PTPRT: variants seen among roughly 807,000 people sequenced by gnomAD.
PTPRT encodes the protein receptor-type tyrosine-protein phosphatase T.
A neutral mutation model predicts 176.8 loss-of-function variants in PTPRT; 56 were observed. That is an observed-to-expected ratio of 0.32 (90% CI 0.26 to 0.40). PTPRT has a LOEUF of 0.40. Ranked by LOEUF, PTPRT falls within the 10% of genes least tolerant of loss-of-function variation. The pLI is 1.00. For missense variants in PTPRT, 1,540 were observed against 1,908.2 expected, an observed-to-expected ratio of 0.81 and a Z score of 3.60; for synonymous variants, 783 against 739.0, an observed-to-expected ratio of 1.06 and a Z score of -0.96.
At chr20:42,297,374 C>T (rs1314655497) in intron 12 of PTPRT, among the ~76,000 whole-genome samples, 1 of 152,092 alleles carries the variant, frequency 6.6e-6, no homozygotes, top group East Asian at 1.9e-4. Context: ...CTTTACAGCA[C>T]CCATGAAAGA....
intron 16 of PTPRT, among the ~76,000 whole-genome samples, chr20:42,199,037 G>C (rs990276173): frequency 2.6e-5 from 4 of 152,162 alleles, no homozygotes; most frequent in Admixed American, 6.5e-5. Context: ...CTGATTTGGG[G>C]AAGATTTTTT....
chr20:43,142,081 A>C (rs933399207), intron 1 of PTPRT, among the ~76,000 whole-genome samples: 6 of 152,252 alleles, frequency 3.9e-5, no homozygotes, highest in Non-Finnish European at 8.8e-5. Context: ...ATTTGCCAGC[A>C]GGAACAGCAG....
chr20:42,119,666 G>A (rs886501890), intron 20 of PTPRT, among the ~76,000 whole-genome samples: 7 of 152,168 alleles, frequency 4.6e-5, no homozygotes, highest in African/African-American at 1.7e-4. Flanking sequence ...TCACTCATGG[G>A]CCTTTTTCCT....
intron 7 of PTPRT, among the ~76,000 whole-genome samples, chr20:42,527,108 C>A (rs374377892): frequency 6.6e-6 from 1 of 151,686 alleles, no homozygotes; most frequent in Non-Finnish European, 1.5e-5. Flanking sequence ...GGACTACAGG[C>A]GCCTGCCACT....
chr20:42,861,505 C>T (rs1244766157), intron 2 of PTPRT, among the ~76,000 whole-genome samples: 2 of 151,616 alleles, frequency 1.3e-5, no homozygotes, highest in African/African-American at 4.9e-5. Flanking sequence ...ATTCTGAGTA[C>T]CTACTATGTG....
intron 1 of PTPRT, among the ~76,000 whole-genome samples, chr20:43,095,488 C>T (rs1322971383): frequency 6.6e-6 from 1 of 152,044 alleles, no homozygotes; most frequent in Non-Finnish European, 1.5e-5. Flanking sequence ...AACCAGAAGG[C>T]CCCATGTGGC....
intron 9 of PTPRT, among the ~76,000 whole-genome samples, chr20:42,390,023 G>T (rs1282638282): frequency 6.6e-6 from 1 of 152,216 alleles, no homozygotes; most frequent in African/African-American, 2.4e-5. Flanking sequence ...GTGGTATTCG[G>T]TTATATCAGC....
At chr20:42,674,058 A>G (rs1057169106) in intron 7 of PTPRT, among the ~76,000 whole-genome samples, 1 of 152,186 alleles carries the variant, frequency 6.6e-6, no homozygotes, top group African/African-American at 2.4e-5. Context: ...GTACATTTCC[A>G]GCGTGATTAA....
chr20:42,674,384 C>T (rs1288204301), intron 7 of PTPRT, among the ~76,000 whole-genome samples: 1 of 152,198 alleles, frequency 6.6e-6, no homozygotes, highest in Non-Finnish European at 1.5e-5. Context: ...ATTACACAGT[C>T]ATGGCAACAG....
the PTPRT span, among the ~76,000 whole-genome samples, chr20:42,061,760 A>C: frequency 2.6e-5 from 4 of 152,284 alleles, no homozygotes; most frequent in Non-Finnish European, 4.4e-5. Context: ...GTTCTTTCAA[A>C]AATCTCACCC....
chr20:42,687,539 C>T (rs1374685087), intron 6 of PTPRT: 1 of 152,196 alleles, frequency 6.6e-6, no homozygotes, highest in Non-Finnish European at 1.5e-5. Flanking sequence ...GCCTTCCTTT[C>T]CTTGCCTGCT....
intron 9 of PTPRT, among the ~76,000 whole-genome samples, chr20:42,438,187 C>A (rs141241585): frequency 9.7e-4 from 148 of 152,284 alleles, no homozygotes; most frequent in Middle Eastern, 3.4e-3. Flanking sequence ...AAGCCCACGC[C>A]CTGACAAATG....
intron 1 of PTPRT, among the ~76,000 whole-genome samples, chr20:43,094,858 G>A (rs2012061792): frequency 6.6e-6 from 1 of 152,202 alleles, no homozygotes; most frequent in Non-Finnish European, 1.5e-5. Context: ...ATTACAGACA[G>A]GCTGTGGAAA....
chr20:42,274,087 T>C (rs1568729366), intron 13 of PTPRT, among the ~76,000 whole-genome samples: 1 of 152,234 alleles, frequency 6.6e-6, no homozygotes, highest in African/African-American at 2.4e-5. Context: ...AGGTCCTGTT[T>C]ACATATATGG....
At chr20:42,278,168 T>C (rs2057079417) in intron 13 of PTPRT, among the ~76,000 whole-genome samples, 1 of 129,756 alleles carries the variant, frequency 7.7e-6, no homozygotes, top group Non-Finnish European at 1.6e-5. Flanking sequence ...GAAGGAAAAG[T>C]ACAGGGTTTA....
At chr20:43,001,469 C>T (rs1431210022) in intron 1 of PTPRT, among the ~76,000 whole-genome samples, 3 of 139,042 alleles carry the variant, frequency 2.2e-5, no homozygotes, top group Non-Finnish European at 4.6e-5. Context: ...AAGGTGGATA[C>T]TCATAACAAC....
chr20:42,041,192 CT>C, the PTPRT span, among the ~76,000 whole-genome samples: 1 of 152,190 alleles, frequency 6.6e-6, no homozygotes, highest in Non-Finnish European at 1.5e-5. Context: ...CAATCCACTA[CT>C]GCCCTCGATG....
the PTPRT span, among the ~76,000 whole-genome samples, chr20:42,054,812 T>A: frequency 1.1e-4 from 17 of 152,168 alleles, no homozygotes; most frequent in Non-Finnish European, 2.4e-4. Context: ...TCTAAGGCAG[T>A]GGCCATAACA....
intron 7 of PTPRT, among the ~76,000 whole-genome samples, chr20:42,598,952 G>A (rs17747690): frequency 0.1 from 15,889 of 152,238 alleles, 1,089 homozygotes; most frequent in Non-Finnish European, 0.16. Flanking sequence ...ATACTGGCAG[G>A]CTAGAACCTT....
Sources: allele counts gnomAD v4.1 joint callset (sites outside exome capture counted in the v4.1 genomes callset), GRCh38; gene constraint gnomAD v4.1.1; transcripts MANE v1.5; gene names NCBI Gene and HGNC (gene_info 2026-07-23, HGNC 2026-07-21).